Variants in RARB observed in about 807,000 individuals in gnomAD.
The protein encoded by RARB is HBV-activated protein.
In RARB, 17 loss-of-function variants were observed where a neutral mutation model predicts 51.9. The observed-to-expected ratio is 0.33, with a 90% CI of 0.22 to 0.49. RARB has a LOEUF of 0.49. RARB is among the 20% of genes least tolerant of loss of function. RARB has a pLI of 0.99. For synonymous variants in RARB, 215 were observed against 195.4 expected (o/e 1.10, Z -0.84); for missense variants, 369 against 550.8 (o/e 0.67, Z 3.30).
intron 5 of RARB, among the ~76,000 whole-genome samples, chr3:25,192,807 G>T (rs1270002206): frequency 2.6e-5 from 4 of 151,834 alleles, no homozygotes; most frequent in African/African-American, 9.7e-5. Context: ...CTTTAGACAT[G>T]GTCTTACTCA....
intron 5 of RARB, among the ~76,000 whole-genome samples, chr3:25,414,875 C>A (rs557185974): frequency 1.3e-5 from 2 of 152,272 alleles, no homozygotes; most frequent in African/African-American, 4.8e-5. Context: ...GAATTTTGCT[C>A]TTGCTGCCCA....
At chr3:25,211,688 T>C (rs1292411101) in intron 5 of RARB, among the ~76,000 whole-genome samples, 1 of 152,204 alleles carries the variant, frequency 6.6e-6, no homozygotes, top group Non-Finnish European at 1.5e-5. Flanking sequence ...AGTGAAATTT[T>C]TTGGCTTTGA....
At chr3:25,400,814 C>G (rs1707243619) in intron 5 of RARB, among the ~76,000 whole-genome samples, 1 of 152,018 alleles carries the variant, frequency 6.6e-6, no homozygotes, top group Non-Finnish European at 1.5e-5. Flanking sequence ...TGGGATGGAA[C>G]AGCTTGTAAC....
chr3:24,886,497 T>C lies in RARB; in HGVS notation c.-380+27745T>C, dbSNP rs1230764665. Among the ~76,000 whole-genome samples, 4 of 151,630 alleles carry C rather than the reference T, an allele frequency of 2.6e-5. No individual in the cohort carries two copies. The East Asian group carries it at 5.9e-4, about 22-fold the overall frequency. The stretch of plus-strand genomic sequence containing the variant: ...TCTTGCTCTATCACCTGGGATGATA[T>C]GCAGTGGCATAATCATGGCTTACTG... On this transcript the variant is annotated intron_variant, in intron 2 of 11. Transcript: ENST00000383772.
intron 5 of RARB, among the ~76,000 whole-genome samples, chr3:25,200,163 C>T (rs558057641): frequency 6.6e-6 from 1 of 152,234 alleles, no homozygotes; most frequent in African/African-American, 2.4e-5. Context: ...TGGTATCTCA[C>T]TGCAGTTTTG....
rs59008287 is a variant in RARB at position 24,908,663 on chromosome 3, G to GTTTTTTT, written c.-380+49930_-380+49936dup. On this transcript the variant is annotated intron_variant, in intron 2 of 11. Coordinates refer to the RARB transcript ENST00000383772. ...TGTAATTCTTGAGGTAACCACAACT[G>GTTTTTTT]TTTTTTTTTTTTTTTTTTTTTTTTT... 3.6e-3 allele frequency among the ~76,000 whole-genome samples: 337 copies of GTTTTTTT among 93,400 alleles called. 33 individuals are homozygous for GTTTTTTT. The highest frequency in any genetic ancestry group is 4.9e-3 in the Non-Finnish European group (240 of 49,218). The allele number at this position is 93,400 out of a possible 152,430, so 61.3% of individuals were successfully genotyped here.
chr3:25,406,389 A>G (rs1707409342), intron 5 of RARB, among the ~76,000 whole-genome samples: 1 of 152,204 alleles, frequency 6.6e-6, no homozygotes, highest in Non-Finnish European at 1.5e-5. Context: ...ATAGAAATGT[A>G]TTGTATCACA....
At chr3:24,889,909 A>G (rs1188937102) in intron 2 of RARB, among the ~76,000 whole-genome samples, 24 of 134,316 alleles carry the variant, frequency 1.8e-4, no homozygotes, top group African/African-American at 5.4e-4. Context: ...AGCAGGCATG[A>G]AAAAAAAAAA....
chr3:24,980,630 C>T (rs915461075), intron 2 of RARB, among the ~76,000 whole-genome samples: 2 of 152,150 alleles, frequency 1.3e-5, no homozygotes, highest in South Asian at 2.1e-4. Context: ...CATTTAAGCT[C>T]TTCTCTACAT....
chr3:25,006,647 G>C (rs987504351), intron 2 of RARB, among the ~76,000 whole-genome samples: 1 of 152,070 alleles, frequency 6.6e-6, no homozygotes, highest in African/African-American at 2.4e-5. Flanking sequence ...TCAGTGTTTG[G>C]TTACTTCTGA....
rs138877773 is a variant in RARB at position 25,252,071 on chromosome 3, A to T, written c.178+77496A>T. On this transcript the variant is annotated intron_variant, in intron 5 of 11. Coordinates refer to the RARB transcript ENST00000383772. ...TAGGGGTCTAATCTTACTCTTTTAC[A>T]TGTGAATACACAGTTGTCCCAGCAC... is the stretch of plus-strand genomic sequence containing the variant. Among the ~76,000 whole-genome samples, 507 of 152,248 alleles carry T rather than the reference A, an allele frequency of 3.3e-3. 8 individuals carry two copies. The highest frequency in any genetic ancestry group is 0.03 in the East Asian group (156 of 5,172).
intron 3 of RARB, among the ~76,000 whole-genome samples, chr3:25,115,155 C>T (rs997636597): frequency 7.2e-5 from 11 of 152,094 alleles, no homozygotes; most frequent in African/African-American, 1.9e-4. Context: ...AGTGCTAGCT[C>T]CAGGTCCCCA....
At chr3:25,465,858 A>G (rs544628796) in intron 2 of RARB, among the ~76,000 whole-genome samples, 2 of 152,302 alleles carry the variant, frequency 1.3e-5, no homozygotes, top group African/African-American at 4.8e-5. Context: ...AAATAAAATA[A>G]TGTCTTTGGA....
intron 5 of RARB, among the ~76,000 whole-genome samples, chr3:25,190,759 TTA>T (rs1491378489): frequency 6.6e-6 from 1 of 152,146 alleles, no homozygotes; most frequent in African/African-American, 2.4e-5. Flanking sequence ...CCTTGGCTAC[TTA>T]TGTCGCGTGC....
At chr3:25,017,515 T>C (rs905750468) in intron 2 of RARB, among the ~76,000 whole-genome samples, 5 of 152,178 alleles carry the variant, frequency 3.3e-5, no homozygotes, top group African/African-American at 1.2e-4. Flanking sequence ...ATTTTTAATA[T>C]ATGTTCTAAG....
intron 3 of RARB, among the ~76,000 whole-genome samples, chr3:25,101,378 C>G (rs1345812582): frequency 6.6e-6 from 1 of 152,124 alleles, no homozygotes; most frequent in Non-Finnish European, 1.5e-5. Context: ...TGTTCCCATG[C>G]TCAACATAAG....
intron 3 of RARB, among the ~76,000 whole-genome samples, chr3:25,122,558 C>T (rs188663500): frequency 3.3e-5 from 5 of 152,150 alleles, no homozygotes; most frequent in East Asian, 3.9e-4. Context: ...CTCAGACTTA[C>T]GGCAAGGGAC....
At chr3:25,255,684 G>A (rs770395216) in intron 5 of RARB, among the ~76,000 whole-genome samples, 9 of 152,070 alleles carry the variant, frequency 5.9e-5, no homozygotes, top group Admixed American at 2.6e-4. Context: ...GAGACTTTGC[G>A]TTATATTAGA....
intron 5 of RARB, among the ~76,000 whole-genome samples, chr3:25,190,699 A>C (rs9861590): frequency 0.042 from 6,354 of 152,188 alleles, 445 homozygotes; most frequent in African/African-American, 0.14. Flanking sequence ...TCCAAAAAGG[A>C]ACCTCAAAGA....
Sources: allele counts gnomAD v4.1 joint callset (sites outside exome capture counted in the v4.1 genomes callset), GRCh38; gene constraint gnomAD v4.1.1; transcripts MANE v1.5; gene names NCBI Gene and HGNC (gene_info 2026-07-23, HGNC 2026-07-21).